Variants in STYXL1 observed in about 807,000 individuals in gnomAD.
The protein encoded by STYXL1 is serine/threonine/tyrosine interacting like 1.
STYXL1 carries 32 observed loss-of-function variants against 36.4 expected under a neutral mutation model. That is an observed-to-expected ratio of 0.88 (90% CI 0.66 to 1.18). STYXL1 has a LOEUF of 1.18. Among genes scored for constraint, STYXL1 ranks in the 50% most tolerant of loss-of-function variants. The probability of loss-of-function intolerance (pLI) is 0.00; values close to 1 mark genes in which losing one functional copy is unlikely to be tolerated. For synonymous variants in STYXL1, 133 were observed against 144.1 expected (o/e 0.92, Z 0.55); for missense variants, 354 against 394.1 (o/e 0.90, Z 0.86).
At chr7:76,018,043 T>C (rs1554574585) in intron 4 of STYXL1, among the ~76,000 whole-genome samples, 1 of 151,736 alleles carries the variant, frequency 6.6e-6, no homozygotes, top group Non-Finnish European at 1.5e-5. Flanking sequence ...CTATTTTTAG[T>C]ATTTATTTGA....
intron 5 of STYXL1, among the ~76,000 whole-genome samples, chr7:76,012,734 A>G (rs1225595945): frequency 6.6e-6 from 1 of 151,954 alleles, no homozygotes; most frequent in African/African-American, 2.4e-5. Context: ...GTCTCACTAT[A>G]TTGCTCAGGC....
chr7:76,040,063 A>C (rs1452583548), intron 1 of STYXL1, among the ~76,000 whole-genome samples: 3 of 151,962 alleles, frequency 2.0e-5, no homozygotes, highest in Non-Finnish European at 4.4e-5. Flanking sequence ...ATGTCCCCAA[A>C]CCTAAGCCTG....
chr7:76,041,593 C>T (rs1554582174), intron 1 of STYXL1, among the ~76,000 whole-genome samples: 2 of 152,184 alleles, frequency 1.3e-5, no homozygotes, highest in African/African-American at 4.8e-5. Flanking sequence ...TCCCTGTCTC[C>T]ACCACTATGT....
chr7:76,017,069 T>C (rs539257954), intron 4 of STYXL1, among the ~76,000 whole-genome samples: 46 of 152,302 alleles, frequency 3.0e-4, no homozygotes, highest in South Asian at 2.3e-3. Flanking sequence ...TCGCCCAGGC[T>C]GGAGTGCAAT....
At chr7:76,004,219 A>G (rs1554569356) in intron 6 of STYXL1, among the ~76,000 whole-genome samples, 2 of 152,012 alleles carry the variant, frequency 1.3e-5, no homozygotes, top group Non-Finnish European at 1.5e-5. Flanking sequence ...TCAGCCTCCC[A>G]AGTAGCTGGG....
In STYXL1 at chr7:76,047,968, G is replaced by C. The variant is rs1261526649; in HGVS notation, c.-311C>G. ...GCCAAACACCGGGGTTGCCAGGATG[G>C]TCCCACAGCTTTCCTTTCCGACTCC... On this transcript the variant is annotated 5_prime_UTR_variant, in exon 1 of 9. Transcript: ENST00000359697. 6.8e-7 allele frequency: 1 copy of C among 1,474,144 alleles called. No homozygotes were observed. The highest frequency in any genetic ancestry group is 1.3e-5 in the South Asian group (1 of 74,188). 91.3% of individuals were successfully genotyped at this position (1,474,144 alleles called of 1,614,324 possible).
At chr7:76,021,372 C>T (rs781827778) in intron 4 of STYXL1, among the ~76,000 whole-genome samples, 7 of 152,126 alleles carry the variant, frequency 4.6e-5, no homozygotes, top group Admixed American at 1.3e-4. Context: ...TGAGCCACCG[C>T]GCCCGGCCAA....
intron 1 of STYXL1, among the ~76,000 whole-genome samples, chr7:76,030,730 A>C (rs1244419877): frequency 2.6e-5 from 4 of 151,730 alleles, no homozygotes; most frequent in Non-Finnish European, 5.9e-5. Context: ...CAACATATCT[A>C]GCCAGGCGTG....
At chr7:75,996,645 C>T in intron 8 of STYXL1, 46 bp from the exon 9 acceptor site, 3 of 1,595,462 alleles carry the variant, frequency 1.9e-6, no homozygotes, top group Non-Finnish European at 2.6e-6. Flanking sequence ...TGGTCCTGGG[C>T]CCTTTCCACT....
rs782156984 is a variant in STYXL1 at position 76,005,373 on chromosome 7, T to C, written c.485A>G (p.Glu162Gly). ...ELDAFQPYPIEIVPGKVFVGN... is the reference protein window; with the variant it reads ...ELDAFQPYPIGIVPGKVFVGN... Reference sequence around the variant, plus strand: ...AACGAAGACCTTCCCTGGCACGATTTCAATGGGGTATGGCTGAAATGCATC... The same window carrying C: ...AACGAAGACCTTCCCTGGCACGATTCCAATGGGGTATGGCTGAAATGCATC... The change falls in exon 6 of 9, where the codon GAA becomes GGA. Residue 162 changes from glutamate to glycine, a missense_variant. Transcript: ENST00000359697. 16 of 1,613,154 alleles carry C rather than the reference T, an allele frequency of 9.9e-6. No homozygotes were observed. The East Asian group carries it at 3.3e-4, about 34-fold the overall frequency.
chr7:76,023,196 TCAGA>T (rs1554576703), intron 3 of STYXL1, among the ~76,000 whole-genome samples: 3 of 152,040 alleles, frequency 2.0e-5, no homozygotes, highest in African/African-American at 7.2e-5. Flanking sequence ...CTTCCCCTTC[TCAGA>T]CAGCTTCCTC....
At position 76,028,650 on chromosome 7, in the gene STYXL1, C is replaced by T. The variant is rs190399897; in HGVS notation, c.157G>A (p.Val53Met). Reference sequence around the variant, plus strand: ...TGACGCTGCCCATGTACCTTCTTCACTCGAAGGGCAGTGATCACATGGCTT... The same window carrying T: ...TGACGCTGCCCATGTACCTTCTTCATTCGAAGGGCAGTGATCACATGGCTT... ...DESHVITALR[V>M]KKKNNEYLLP... Residue 53 changes from valine (V) to methionine (M), a missense_variant, in exon 3 of 9, where the codon GTG becomes ATG. Coordinates refer to ENST00000359697, the MANE Select transcript of STYXL1 (RefSeq NM_001317785.2). 7 of 1,614,074 alleles carry T rather than the reference C, an allele frequency of 4.3e-6. No individual in the cohort carries two copies. The East Asian group carries it at 8.9e-5, about 21-fold the overall frequency.
chr7:76,004,862 G>A (rs1028596194), intron 6 of STYXL1, among the ~76,000 whole-genome samples: 2 of 150,452 alleles, frequency 1.3e-5, no homozygotes, highest in African/African-American at 4.9e-5. Flanking sequence ...CTAGCTGGGC[G>A]TGGTGGCGGG....
At chr7:76,022,302 C>T (rs1469639898) in intron 3 of STYXL1, among the ~76,000 whole-genome samples, 1 of 152,112 alleles carries the variant, frequency 6.6e-6, no homozygotes, top group Non-Finnish European at 1.5e-5. Context: ...TCAGAGAAAC[C>T]ATGGTCAATT....
At chr7:76,020,578 T>C (rs1554575756) in intron 4 of STYXL1, among the ~76,000 whole-genome samples, 1 of 152,242 alleles carries the variant, frequency 6.6e-6, no homozygotes, top group African/African-American at 2.4e-5. Context: ...GTTTGAATCC[T>C]GGCCCCACCA....
chr7:76,033,663 C>T (rs933086117), intron 1 of STYXL1, among the ~76,000 whole-genome samples: 1 of 152,160 alleles, frequency 6.6e-6, no homozygotes, highest in African/African-American at 2.4e-5. Flanking sequence ...TTCTCAGCAC[C>T]CCCTCCACAG....
At chr7:76,017,707 G>A (rs551209278) in intron 4 of STYXL1, among the ~76,000 whole-genome samples, 7 of 148,164 alleles carry the variant, frequency 4.7e-5, no homozygotes, top group East Asian at 2.0e-4. Context: ...CCAAGATGGC[G>A]AAACCCTGTC....
At chr7:76,017,866 C>CAAAAAAAAAAAAAAAAAAAAA (rs71082374) in intron 4 of STYXL1, among the ~76,000 whole-genome samples, 489 of 10,280 alleles carry the variant, frequency 0.048, 191 homozygotes, top group Non-Finnish European at 0.066. Flanking sequence ...AACTCCATCT[C>CAAAAAAAAAAAAAAAAAAAAA]AAAAAAAAAA....
chr7:76,036,872 C>A (rs991375361), intron 1 of STYXL1, among the ~76,000 whole-genome samples: 5 of 142,564 alleles, frequency 3.5e-5, no homozygotes, highest in Admixed American at 2.8e-4. Context: ...GCAACCTCCG[C>A]CTCCCGGGTT....
Sources: allele counts gnomAD v4.1 joint callset (sites outside exome capture counted in the v4.1 genomes callset), GRCh38; gene constraint gnomAD v4.1.1; transcripts MANE v1.5; gene names NCBI Gene and HGNC (gene_info 2026-07-23, HGNC 2026-07-21).